SLC39A11: variants seen among roughly 807,000 people sequenced by gnomAD.
The protein encoded by SLC39A11 is zinc transporter ZIP11.
Under a neutral mutation model 36.1 loss-of-function variants are expected in SLC39A11, and 33 were observed. That is an observed-to-expected ratio of 0.91 (90% CI 0.69 to 1.22). SLC39A11 has a LOEUF of 1.22. SLC39A11 is among the 50% of genes most tolerant of loss of function. The probability of loss-of-function intolerance (pLI) is 0.00; values close to 1 mark genes in which losing one functional copy is unlikely to be tolerated. For synonymous variants in SLC39A11, 166 were observed against 170.3 expected (o/e 0.97, Z 0.20); for missense variants, 432 against 430.3 (o/e 1.00, Z -0.03).
chr17:72,739,503 G>T (rs1408188980), intron 6 of SLC39A11, among the ~76,000 whole-genome samples: 1 of 152,142 alleles, frequency 6.6e-6, no homozygotes, highest in Non-Finnish European at 1.5e-5. Context: ...GTCAGGACAC[G>T]GAGTCCTAGG....
chr17:72,719,511 A>G (rs2073561649), intron 7 of SLC39A11, among the ~76,000 whole-genome samples: 1 of 152,192 alleles, frequency 6.6e-6, no homozygotes, highest in Admixed American at 6.5e-5. Context: ...CTCCCTCTGT[A>G]GTGGCCTGAC....
chr17:73,053,481 G>C (rs1250652348), intron 3 of SLC39A11, among the ~76,000 whole-genome samples: 2 of 152,152 alleles, frequency 1.3e-5, no homozygotes, highest in Non-Finnish European at 2.9e-5. Flanking sequence ...ATGTATTGAT[G>C]AGCATTTGCT....
At chr17:72,968,842 A>G (rs2087214077) in intron 4 of SLC39A11, among the ~76,000 whole-genome samples, 2 of 152,200 alleles carry the variant, frequency 1.3e-5, no homozygotes, top group East Asian at 3.9e-4. Flanking sequence ...AACTGAAAGG[A>G]AAGAATTATT....
chr17:72,662,523 GAGAAAGAAAGAGAGAA>G (rs1409489160), intron 7 of SLC39A11, among the ~76,000 whole-genome samples: 3 of 124,470 alleles, frequency 2.4e-5, no homozygotes, highest in Non-Finnish European at 3.3e-5. Context: ...AGAGAAGAAA[GAGAAAGAAAGAGAGAA>G]AGAAAGAAAA....
chr17:72,846,983 T>C (rs1409955444), intron 6 of SLC39A11, among the ~76,000 whole-genome samples: 2 of 152,192 alleles, frequency 1.3e-5, no homozygotes, highest in Non-Finnish European at 2.9e-5. Flanking sequence ...CAATGACCTC[T>C]TTAAGATACG....
intron 6 of SLC39A11, among the ~76,000 whole-genome samples, chr17:72,770,711 G>A (rs2075903306): frequency 6.6e-6 from 1 of 152,194 alleles, no homozygotes; most frequent in African/African-American, 2.4e-5. Context: ...TAGGCCAAAA[G>A]AGCAACATGC....
chr17:72,831,328 G>C (rs1029335978), intron 6 of SLC39A11, among the ~76,000 whole-genome samples: 2 of 152,198 alleles, frequency 1.3e-5, no homozygotes, highest in African/African-American at 2.4e-5. Flanking sequence ...TTTGGAAGTG[G>C]AAGGAGCTGA....
chr17:72,789,193 T>A (rs573553419), intron 6 of SLC39A11, among the ~76,000 whole-genome samples: 48 of 152,218 alleles, frequency 3.2e-4, no homozygotes, highest in Non-Finnish European at 6.3e-4. Context: ...CGCCACCATG[T>A]CCGGCTAATT....
intron 5 of SLC39A11, among the ~76,000 whole-genome samples, chr17:72,886,167 TGCTC>T (rs1159674738): frequency 3.3e-5 from 5 of 152,198 alleles, no homozygotes; most frequent in Admixed American, 2.0e-4. Flanking sequence ...AGGACCCTGG[TGCTC>T]GGTCCTCAGT....
At position 72,786,018 on chromosome 17, in the gene SLC39A11, C is replaced by T. The variant is rs1012579126; in HGVS notation, c.602-49299G>A. Among the ~76,000 whole-genome samples the T allele has an allele frequency of 1.4e-4, 21 of 152,196 alleles. 1 individual carries two copies. The highest frequency in any genetic ancestry group is 1.4e-3 in the Admixed American group (21 of 15,278). On this transcript the variant is annotated intron_variant, in intron 6 of 9. Transcript: ENST00000255559. ...TCTTCACCTTGACAGATGAGATTCCCTCCCCGACATCTCTGGATCACAATG... is the reference window on the plus strand; with the variant it reads ...TCTTCACCTTGACAGATGAGATTCCTTCCCCGACATCTCTGGATCACAATG...
rs528980554 is a variant in SLC39A11, at chr17:72,827,414, T to G, written c.601+22220A>C. ...TGGGGTAATGAAAATGTTCTAAAAT[T>G]TATAGTGGTGGTTGCACAATTTTGT... On this transcript the variant is annotated intron_variant, in intron 6 of 9. Transcript: ENST00000255559. Among the ~76,000 whole-genome samples the G allele has an allele frequency of 3.4e-4, 52 of 152,260 alleles. No individual in the cohort carries two copies. In the South Asian group the frequency reaches 0.011, roughly 32 times the overall value.
At chr17:72,677,674 G>A (rs1434091565) in intron 7 of SLC39A11, among the ~76,000 whole-genome samples, 2 of 152,144 alleles carry the variant, frequency 1.3e-5, no homozygotes, top group Admixed American at 6.6e-5. Flanking sequence ...AGCACAGACC[G>A]TGGGCCCCTC....
rs34723416 is a variant in SLC39A11 at position 72,924,162 on chromosome 17, ATTT to A, written c.430+23587_430+23589del. On this transcript the variant is annotated intron_variant, in intron 5 of 9. Transcript: ENST00000255559. The stretch of plus-strand genomic sequence containing the variant: ...CCCCGTCTCAAAAAAAAAAAAAAAA[ATTT>A]TTTTTTTTTTTTTAAGGAAAGATGA... Among the ~76,000 whole-genome samples, 336 of 120,576 alleles carry A rather than the reference ATTT, an allele frequency of 2.8e-3. 2 individuals are homozygous for A. The highest frequency in any genetic ancestry group is 0.012 in the African/African-American group (324 of 26,218). 79.1% of individuals were successfully genotyped at this position (120,576 alleles called of 152,430 possible).
intron 6 of SLC39A11, among the ~76,000 whole-genome samples, chr17:72,822,609 G>T (rs1467076383): frequency 6.6e-6 from 1 of 151,170 alleles, no homozygotes; most frequent in Non-Finnish European, 1.5e-5. Context: ...CTATGCCCCT[G>T]GTCAGGCGTT....
intron 4 of SLC39A11, among the ~76,000 whole-genome samples, chr17:72,964,246 T>C (rs1350140197): frequency 2.6e-5 from 4 of 152,244 alleles, no homozygotes; most frequent in South Asian, 2.1e-4. Flanking sequence ...AGAATTAATA[T>C]GCTAATTTGC....
At chr17:72,731,840 C>G (rs2074232094) in intron 7 of SLC39A11, among the ~76,000 whole-genome samples, 1 of 151,434 alleles carries the variant, frequency 6.6e-6, no homozygotes, top group East Asian at 2.0e-4. Flanking sequence ...GATTCTCCTG[C>G]CTCAGCTCCT....
intron 7 of SLC39A11, among the ~76,000 whole-genome samples, chr17:72,689,066 T>C (rs964020433): frequency 2.3e-4 from 35 of 152,212 alleles, no homozygotes; most frequent in Non-Finnish European, 2.4e-4. Context: ...CCCTGTCCTG[T>C]CTCCTGTGCC....
At chr17:72,887,906 G>A (rs1390427591) in intron 5 of SLC39A11, among the ~76,000 whole-genome samples, 1 of 152,176 alleles carries the variant, frequency 6.6e-6, no homozygotes, top group Admixed American at 6.5e-5. Flanking sequence ...TGCTTGTGAA[G>A]AAAAGTACTC....
intron 4 of SLC39A11, among the ~76,000 whole-genome samples, chr17:73,020,682 T>TTTTC (rs898231642): frequency 1.2e-4 from 14 of 114,104 alleles, no homozygotes; most frequent in African/African-American, 5.7e-4. Context: ...GTTTCTTTCT[T>TTTTC]TTTTTTTTTT....
Sources: allele counts gnomAD v4.1 joint callset (sites outside exome capture counted in the v4.1 genomes callset), GRCh38; gene constraint gnomAD v4.1.1; transcripts MANE v1.5; gene names NCBI Gene and HGNC (gene_info 2026-07-23, HGNC 2026-07-21).